Variants in CDH4 observed in about 807,000 individuals in gnomAD.
CDH4 encodes the protein cadherin-4.
A neutral mutation model predicts 86.0 loss-of-function variants in CDH4; 33 were observed. That is an observed-to-expected ratio of 0.38 (90% CI 0.29 to 0.51). The LOEUF (loss-of-function observed/expected upper bound fraction) is 0.51, where lower values mean the gene tolerates loss of function less well. Ranked by LOEUF, CDH4 falls within the 20% of genes least tolerant of loss-of-function variation. The pLI is 0.86. For synonymous variants in CDH4, 555 were observed against 549.4 expected, an observed-to-expected ratio of 1.01 and a Z score of -0.14; for missense variants, 1,114 against 1,307.4, an observed-to-expected ratio of 0.85 and a Z score of 2.28.
At chr20:61,701,940 A>G (rs1383445320) in intron 2 of CDH4, among the ~76,000 whole-genome samples, 2 of 152,206 alleles carry the variant, frequency 1.3e-5, no homozygotes, top group African/African-American at 4.8e-5. Context: ...AGAGAAGTTC[A>G]CTCAGCTGCG....
chr20:61,881,335 G>C (rs6121826), intron 7 of CDH4, among the ~76,000 whole-genome samples: 124,482 of 152,238 alleles, frequency 0.82, 51,119 homozygotes, highest in South Asian at 0.87. Context: ...CCATTCCAGC[G>C]GTGGCATTTC....
At chr20:61,704,909 A>C (rs61533207) in intron 2 of CDH4, among the ~76,000 whole-genome samples, 2,084 of 152,324 alleles carry the variant, frequency 0.014, 53 homozygotes, top group African/African-American at 0.047. Flanking sequence ...AAATGCACCC[A>C]GATTCCAGAA....
chr20:61,891,058 A>G (rs568907415), intron 7 of CDH4, among the ~76,000 whole-genome samples: 2 of 152,206 alleles, frequency 1.3e-5, no homozygotes, highest in South Asian at 2.1e-4. Flanking sequence ...GTGGGGTCTC[A>G]CCAGCGGAAG....
At chr20:61,743,110 G>T (rs1271286291) in intron 2 of CDH4, among the ~76,000 whole-genome samples, 2 of 152,182 alleles carry the variant, frequency 1.3e-5, no homozygotes, top group African/African-American at 4.8e-5. Flanking sequence ...CTCCTTCCTT[G>T]TACTTAGCCT....
At chr20:61,362,720 G>A (rs1022514494) in intron 2 of CDH4, among the ~76,000 whole-genome samples, 2 of 152,116 alleles carry the variant, frequency 1.3e-5, no homozygotes, top group African/African-American at 4.8e-5. Context: ...CCCCTGGCTG[G>A]ATGGGGTGGG....
intron 2 of CDH4, among the ~76,000 whole-genome samples, chr20:61,585,866 GATGATGGTGATGGTGATT>G (rs1400583267): frequency 6.6e-6 from 1 of 151,396 alleles, no homozygotes; most frequent in Non-Finnish European, 1.5e-5. Context: ...TGGTGATGAA[GATGATGGTGATGGTGATT>G]ATGATGGTGA....
At chr20:61,626,723 T>C (rs778796984) in intron 2 of CDH4, among the ~76,000 whole-genome samples, 7 of 152,084 alleles carry the variant, frequency 4.6e-5, no homozygotes, top group Non-Finnish European at 1.0e-4. Flanking sequence ...TCGTGTTGAG[T>C]GAACAGGAAG....
intron 2 of CDH4, among the ~76,000 whole-genome samples, chr20:61,560,050 C>T (rs978787802): frequency 3.9e-5 from 6 of 152,296 alleles, no homozygotes; most frequent in East Asian, 3.9e-4. Flanking sequence ...TTCCCAGCAA[C>T]GAGTGCATAG....
At chr20:61,654,919 G>A (rs1404430909) in intron 2 of CDH4, among the ~76,000 whole-genome samples, 1 of 62,306 alleles carries the variant, frequency 1.6e-5, no homozygotes, top group Non-Finnish European at 5.0e-5. Context: ...GGACACGGGG[G>A]CCTGAGCCAG....
intron 2 of CDH4, among the ~76,000 whole-genome samples, chr20:61,492,082 ATGGTGTTGATGGTGG>A (rs2085629455): frequency 7.0e-6 from 1 of 143,264 alleles, no homozygotes; most frequent in African/African-American, 2.6e-5. Flanking sequence ...AATATTGTTG[ATGGTGTTGATGGTGG>A]TGGTGTTGAT....
chr20:61,565,064 G>GGTGGTA (rs1491400207), intron 2 of CDH4, among the ~76,000 whole-genome samples: 4 of 126,094 alleles, frequency 3.2e-5, no homozygotes, highest in Non-Finnish European at 5.1e-5. Flanking sequence ...TGGTGCTCTT[G>GGTGGTA]GTGGTGGTGG....
At chr20:61,556,741 G>T (rs567313431) in intron 2 of CDH4, among the ~76,000 whole-genome samples, 2 of 152,098 alleles carry the variant, frequency 1.3e-5, no homozygotes, top group Non-Finnish European at 2.9e-5. Flanking sequence ...CCCAGTCTTG[G>T]TGCCCCCCAC....
At chr20:61,918,451 C>T (rs1304194494) in intron 9 of CDH4, among the ~76,000 whole-genome samples, 1 of 152,168 alleles carries the variant, frequency 6.6e-6, no homozygotes, top group Non-Finnish European at 1.5e-5. Flanking sequence ...ACCACACTGG[C>T]GCTGTGCTGG....
rs141212167 is a variant in CDH4, at chr20:61,417,009, T to C, written c.169+162072T>C. On this transcript the variant is annotated intron_variant, in intron 2 of 15. Coordinates refer to ENST00000614565, the MANE Select transcript of CDH4 (RefSeq NM_001794.5). The surrounding 1 kb of genome is among the most constrained non-coding windows in gnomAD (Gnocchi z 4.0). Reference sequence around the variant, plus strand: ...AAATGACTTGGAGTGGTGGAGAGGCTGAGCTGGGGAGGTGTTTGGAAACAC... The same window carrying C: ...AAATGACTTGGAGTGGTGGAGAGGCCGAGCTGGGGAGGTGTTTGGAAACAC... 1.6e-3 allele frequency among the ~76,000 whole-genome samples: 246 copies of C among 152,168 alleles called. No homozygotes were observed. Among genetic ancestry groups the C allele is most frequent in the Non-Finnish European group, 3.0e-3 (202 of 67,986 alleles).
chr20:61,798,350 C>T (rs1979656167), intron 4 of CDH4, among the ~76,000 whole-genome samples: 1 of 152,244 alleles, frequency 6.6e-6, no homozygotes, highest in Admixed American at 6.5e-5. Context: ...GCCCCACGGG[C>T]CTCCACACTC....
At chr20:61,273,540 G>A (rs1473597472) in intron 2 of CDH4, among the ~76,000 whole-genome samples, 3 of 121,806 alleles carry the variant, frequency 2.5e-5, no homozygotes, top group African/African-American at 3.1e-5. Context: ...GGGGAGTACC[G>A]TGTGCAGTTT....
intron 2 of CDH4, among the ~76,000 whole-genome samples, chr20:61,508,905 C>G (rs2085760224): frequency 6.6e-6 from 1 of 152,228 alleles, no homozygotes; most frequent in Non-Finnish European, 1.5e-5. Flanking sequence ...CTGGGTTCCA[C>G]CCCCTCCCCA....
Position 61,733,585 on chromosome 20 carries a change from C to T in CDH4, c.170-9978C>T, listed in dbSNP as rs530805027. 7.2e-5 allele frequency among the ~76,000 whole-genome samples: 11 copies of T among 152,106 alleles called. No individual in the cohort carries two copies. The East Asian group carries it at 1.7e-3, about 24-fold the overall frequency. On this transcript the variant is annotated intron_variant, in intron 2 of 15. Coordinates refer to ENST00000614565, the MANE Select transcript of CDH4 (RefSeq NM_001794.5). ...CCCACCACACTACATGCCATGTGGG[C>T]TGACTGCCCAGCACCCAGGACGGTA...
intron 2 of CDH4, among the ~76,000 whole-genome samples, chr20:61,605,760 A>C (rs2086640258): frequency 6.6e-6 from 1 of 152,078 alleles, no homozygotes; most frequent in African/African-American, 2.4e-5. Flanking sequence ...TTGCCGTGAG[A>C]AGCTGTGACC....
Sources: gnomAD v4.1 joint callset for allele counts (sites outside exome capture counted in the v4.1 genomes callset) on GRCh38, gnomAD v4.1.1 for gene constraint, Gnocchi (gnomAD v3.1) non-coding constraint, MANE v1.5 for transcripts, NCBI Gene and HGNC (gene_info 2026-07-23, HGNC 2026-07-21) for gene names.